Variants in CNTN1 observed in about 807,000 individuals in gnomAD.
The protein encoded by CNTN1 is contactin 1.
Under a neutral mutation model 126.4 loss-of-function variants are expected in CNTN1, and 38 were observed. The ratio of observed to expected loss-of-function variants is 0.30; its 90% confidence interval spans 0.23 to 0.39. The LOEUF (loss-of-function observed/expected upper bound fraction) is 0.39. CNTN1 is among the 10% of genes least tolerant of loss of function. The probability of loss-of-function intolerance (pLI) is 1.00; values close to 1 mark genes in which losing one functional copy is unlikely to be tolerated. For missense variants in CNTN1, 1,009 were observed against 1,248.4 expected (o/e 0.81, Z 2.89); for synonymous variants, 413 against 422.6 (o/e 0.98, Z 0.28).
intron 1 of CNTN1, among the ~76,000 whole-genome samples, chr12:40,818,353 C>T (rs993240030): frequency 1.3e-5 from 2 of 152,026 alleles, no homozygotes; most frequent in East Asian, 1.9e-4. Context: ...TTCTTGGAGG[C>T]TTTGTTCATT....
intron 1 of CNTN1, among the ~76,000 whole-genome samples, chr12:40,699,422 T>G (rs185923064): frequency 1.5e-4 from 23 of 149,928 alleles, no homozygotes; most frequent in African/African-American, 3.4e-4. Context: ...TAAAAGAGAG[T>G]TTTTTTTTAA....
chr12:40,792,193 T>A (rs1304514293), intron 1 of CNTN1, among the ~76,000 whole-genome samples: 1 of 152,102 alleles, frequency 6.6e-6, no homozygotes, highest in South Asian at 2.1e-4. Flanking sequence ...ACACATGAGT[T>A]GAGCTTTGGG....
chr12:40,735,779 G>A (rs1196700873), intron 1 of CNTN1, among the ~76,000 whole-genome samples: 6 of 152,066 alleles, frequency 3.9e-5, no homozygotes, highest in Non-Finnish European at 7.4e-5. Flanking sequence ...GACACAGCCA[G>A]CCAAATGCAA....
At chr12:41,047,190 C>T (rs1448126657) in intron 23 of CNTN1, among the ~76,000 whole-genome samples, 1 of 152,048 alleles carries the variant, frequency 6.6e-6, no homozygotes, top group Non-Finnish European at 1.5e-5. Flanking sequence ...GCCCTTCAGC[C>T]TTGTTTATGA....
chr12:41,003,061 T>A (rs1948404471), intron 17 of CNTN1, among the ~76,000 whole-genome samples: 1 of 152,214 alleles, frequency 6.6e-6, no homozygotes, highest in African/African-American at 2.4e-5. Flanking sequence ...GCCCATTCAG[T>A]ATGATGTTGG....
intron 1 of CNTN1, among the ~76,000 whole-genome samples, chr12:40,802,275 C>T (rs988642137): frequency 6.6e-6 from 1 of 151,718 alleles, no homozygotes. Context: ...AGAAGGAAAT[C>T]CAAGTTTAGA....
At chr12:40,752,129 C>T (rs1024399704) in intron 1 of CNTN1, among the ~76,000 whole-genome samples, 1 of 151,938 alleles carries the variant, frequency 6.6e-6, no homozygotes, top group East Asian at 1.9e-4. Flanking sequence ...TATAATTCTC[C>T]TTGACAACTG....
intron 1 of CNTN1, among the ~76,000 whole-genome samples, chr12:40,778,224 A>T (rs970901025): frequency 6.6e-6 from 1 of 151,824 alleles, no homozygotes; most frequent in Non-Finnish European, 1.5e-5. Flanking sequence ...CACCATTTCC[A>T]TGTTATCATC....
chr12:40,851,717 G>A (rs11178759), intron 1 of CNTN1, among the ~76,000 whole-genome samples: 106 of 151,670 alleles, frequency 7.0e-4, no homozygotes, highest in African/African-American at 2.3e-3. Flanking sequence ...CATCCAGCAA[G>A]GAGGCAGGAG....
At chr12:40,806,318 T>C (rs1940853133) in intron 1 of CNTN1, among the ~76,000 whole-genome samples, 1 of 152,178 alleles carries the variant, frequency 6.6e-6, no homozygotes, top group Non-Finnish European at 1.5e-5. Context: ...TATTTGGTAT[T>C]GCTATAGAAG....
intron 20 of CNTN1, among the ~76,000 whole-genome samples, chr12:41,023,351 T>C (rs1592420162): frequency 6.6e-6 from 1 of 152,238 alleles, no homozygotes; most frequent in East Asian, 1.9e-4. Context: ...GGTTTTAAAG[T>C]GTATCTCAGT....
At chr12:40,720,976 T>G (rs1029904562) in intron 1 of CNTN1, among the ~76,000 whole-genome samples, 1 of 150,920 alleles carries the variant, frequency 6.6e-6, no homozygotes, top group Admixed American at 6.6e-5. Flanking sequence ...TGTATATATG[T>G]TATAACATAT....
intron 15 of CNTN1, among the ~76,000 whole-genome samples, chr12:40,973,487 T>C (rs908232499): frequency 6.6e-6 from 1 of 152,138 alleles, no homozygotes; most frequent in Non-Finnish European, 1.5e-5. Context: ...GAAAAGTTTT[T>C]TGTTTCCTTA....
intron 23 of CNTN1, chr12:41,061,810 G>C (rs1168776286): frequency 2.2e-6 from 1 of 455,812 alleles, no homozygotes; most frequent in South Asian, 1.5e-5. Flanking sequence ...GATCACAGAA[G>C]CATCAGAACC....
intron 16 of CNTN1, among the ~76,000 whole-genome samples, chr12:40,984,050 G>A (rs548446730): frequency 2.0e-4 from 29 of 148,288 alleles, no homozygotes; most frequent in Middle Eastern, 3.8e-3. Context: ...AATATATTAC[G>A]CACAAAAGAG....
intron 20 of CNTN1, among the ~76,000 whole-genome samples, chr12:41,022,548 A>G (rs1948943523): frequency 6.6e-6 from 1 of 152,216 alleles, no homozygotes; most frequent in African/African-American, 2.4e-5. Context: ...TGTATTTAAG[A>G]ATTTTCCCTG....
rs1592277396 is a variant in CNTN1 at position 40,932,484 on chromosome 12, T to A, written c.704-977T>A. Among the ~76,000 whole-genome samples the A allele has an allele frequency of 2.0e-5, 3 of 152,122 alleles. No individual in the cohort carries two copies. In the East Asian group the frequency reaches 5.8e-4, roughly 29 times the overall value. ...TTCAGATATGTCTCTATTAGCACCA[T>A]GAGAACAGACTAATATATTACCTAT... On this transcript the variant is annotated intron_variant, in intron 7 of 23. Transcript: ENST00000551295.
At chr12:41,059,485 G>C (rs577577620) in intron 23 of CNTN1, among the ~76,000 whole-genome samples, 1 of 152,156 alleles carries the variant, frequency 6.6e-6, no homozygotes, top group East Asian at 1.9e-4. Flanking sequence ...CTCTAGTAAT[G>C]TTTAAAGATG....
At chr12:40,784,742 T>C (rs534591087) in intron 1 of CNTN1, among the ~76,000 whole-genome samples, 29 of 152,242 alleles carry the variant, frequency 1.9e-4, no homozygotes, top group Admixed American at 5.2e-4. Flanking sequence ...GTGTTCTATA[T>C]GGGAAATAAA....
Sources: allele counts gnomAD v4.1 joint callset (sites outside exome capture counted in the v4.1 genomes callset), GRCh38; gene constraint gnomAD v4.1.1; transcripts MANE v1.5; gene names NCBI Gene and HGNC (gene_info 2026-07-23, HGNC 2026-07-21).